The following DNAH7 variants were observed in gnomAD, a reference collection of about 807,000 sequenced individuals.
DNAH7 encodes the protein axonemal beta dynein heavy chain 7.
DNAH7 carries 397 observed loss-of-function variants against 444.6 expected under a neutral mutation model. That is an observed-to-expected ratio of 0.89 (90% CI 0.82 to 0.97). The LOEUF (loss-of-function observed/expected upper bound fraction) is 0.97. Ranked by LOEUF, DNAH7 falls within the 50% of genes least tolerant of loss-of-function variation. DNAH7 has a pLI of 0.00. For missense variants in DNAH7, 4,902 were observed against 4,800.8 expected (o/e 1.02, Z -0.62); for synonymous variants, 1,636 against 1,624.4 (o/e 1.01, Z -0.17).
rs146405893 is a variant in DNAH7 at position 196,016,981 on chromosome 2, C to A, written c.869+2189G>T. 7.2e-5 allele frequency among the ~76,000 whole-genome samples: 11 copies of A among 152,074 alleles called. No individual in the cohort carries two copies. The East Asian group carries it at 1.7e-3, about 24-fold the overall frequency. On this transcript the variant is annotated intron_variant, in intron 9 of 64. Transcript: ENST00000312428. ...TATTGAAATATATGTAGGATATGAG[C>A]GAGAGTGCTTTTTTATTATTTTATT...
At chr2:195,882,441 C>T (rs534722034) in intron 35 of DNAH7, among the ~76,000 whole-genome samples, 1 of 152,238 alleles carries the variant, frequency 6.6e-6, no homozygotes, top group Admixed American at 6.5e-5. Context: ...CTTATCATTG[C>T]AGGCAAAATT....
At chr2:195,922,943 C>G (rs1384344555) in intron 23 of DNAH7, among the ~76,000 whole-genome samples, 1 of 151,974 alleles carries the variant, frequency 6.6e-6, no homozygotes, top group East Asian at 1.9e-4. Flanking sequence ...CTCACTGCAA[C>G]CTCTGCCTCC....
chr2:195,976,739 G>A (rs967473068), intron 15 of DNAH7, among the ~76,000 whole-genome samples: 4 of 125,410 alleles, frequency 3.2e-5, no homozygotes, highest in Non-Finnish European at 5.1e-5. Flanking sequence ...GAGAGACAGA[G>A]AGGCAGACAG....
At chr2:195,746,067 G>A (rs1278635486) in intron 63 of DNAH7, among the ~76,000 whole-genome samples, 2 of 152,154 alleles carry the variant, frequency 1.3e-5, no homozygotes, top group Non-Finnish European at 2.9e-5. Context: ...ATTGGATAAA[G>A]AGTCAAGACC....
At chr2:195,951,511 C>T (rs978629039) in intron 19 of DNAH7, among the ~76,000 whole-genome samples, 5 of 152,060 alleles carry the variant, frequency 3.3e-5, no homozygotes, top group Non-Finnish European at 7.4e-5. Flanking sequence ...TTTTCTGTCT[C>T]GTTGATCTGT....
intron 31 of DNAH7, among the ~76,000 whole-genome samples, chr2:195,891,074 A>T (rs1035728617): frequency 7.2e-5 from 11 of 152,216 alleles, no homozygotes; most frequent in Non-Finnish European, 1.6e-4. Context: ...AGTGGGCAGC[A>T]GAATAAGCCA....
chr2:195,863,197 C>A (rs1700123197), intron 41 of DNAH7, among the ~76,000 whole-genome samples: 1 of 152,172 alleles, frequency 6.6e-6, no homozygotes, highest in South Asian at 2.1e-4. Context: ...AGACTTGCTA[C>A]AAAGCAAAAC....
At chr2:195,754,550 C>T (rs1196991664) in intron 62 of DNAH7, 36 bp from the exon 63 acceptor site, 1 of 1,574,866 alleles carries the variant, frequency 6.3e-7, no homozygotes, top group Non-Finnish European at 8.6e-7. Flanking sequence ...AACAGTAGCA[C>T]CTTTCAACCT....
chr2:195,833,714 A>G (rs1050137733), intron 48 of DNAH7, among the ~76,000 whole-genome samples: 5 of 152,136 alleles, frequency 3.3e-5, no homozygotes, highest in Admixed American at 3.3e-4. Context: ...GCAGATAATA[A>G]CCAGGCACAT....
chr2:195,828,401 A>G (rs1276096482), intron 48 of DNAH7, among the ~76,000 whole-genome samples: 2 of 151,812 alleles, frequency 1.3e-5, no homozygotes, highest in African/African-American at 4.8e-5. Context: ...TGGCTAACAC[A>G]GTGAAACCCT....
At chr2:195,881,209 A>G (rs889992232) in intron 36 of DNAH7, among the ~76,000 whole-genome samples, 13 of 152,204 alleles carry the variant, frequency 8.5e-5, no homozygotes, top group Non-Finnish European at 1.6e-4. Flanking sequence ...TGTAAGATGT[A>G]ATGTTAAAGT....
intron 48 of DNAH7, among the ~76,000 whole-genome samples, chr2:195,829,572 G>A (rs376496010): frequency 1.4e-4 from 22 of 151,952 alleles, no homozygotes; most frequent in African/African-American, 5.3e-4. Flanking sequence ...AGATTATAAC[G>A]TTTCAGTTTC....
intron 40 of DNAH7, among the ~76,000 whole-genome samples, chr2:195,869,659 G>T (rs1700561544): frequency 6.6e-6 from 1 of 152,092 alleles, no homozygotes; most frequent in African/African-American, 2.4e-5. Context: ...TCAATATCTG[G>T]GGGAAATATT....
At chr2:195,837,878 G>T (rs1053042185) in intron 47 of DNAH7, among the ~76,000 whole-genome samples, 7 of 152,176 alleles carry the variant, frequency 4.6e-5, no homozygotes, top group African/African-American at 1.7e-4. Context: ...CCCAGTGTTG[G>T]CATGAAATTG....
intron 40 of DNAH7, among the ~76,000 whole-genome samples, chr2:195,867,323 TAA>T (rs1700403472): frequency 6.6e-6 from 1 of 152,208 alleles, no homozygotes; most frequent in African/African-American, 2.4e-5. Context: ...AGTTGACACT[TAA>T]AACTTTCTAT....
At chr2:196,051,971 G>A (rs754012898) in intron 2 of DNAH7, among the ~76,000 whole-genome samples, 2 of 152,126 alleles carry the variant, frequency 1.3e-5, no homozygotes, top group Non-Finnish European at 2.9e-5. Context: ...TAGTCTGTAC[G>A]TAAGTCCTGG....
At chr2:195,821,540 T>C (rs1697471047) in intron 49 of DNAH7, among the ~76,000 whole-genome samples, 1 of 152,172 alleles carries the variant, frequency 6.6e-6, no homozygotes, top group Non-Finnish European at 1.5e-5. Flanking sequence ...AGTCGGTGGA[T>C]CCCTGTGCCA....
chr2:195,887,317 T>G (rs1173476919), intron 33 of DNAH7, among the ~76,000 whole-genome samples: 1 of 152,064 alleles, frequency 6.6e-6, no homozygotes, highest in East Asian at 1.9e-4. Context: ...TCAGTTCATA[T>G]ATGTTAACTG....
At chr2:196,013,001 A>G in intron 9 of DNAH7, 95 bp from the exon 10 acceptor site, 1 of 857,322 alleles carries the variant, frequency 1.2e-6, no homozygotes, top group Non-Finnish European at 1.6e-6. Flanking sequence ...TCATATTCCT[A>G]GGTTTAATCA....
Sources: allele counts gnomAD v4.1 joint callset (sites outside exome capture counted in the v4.1 genomes callset), GRCh38; gene constraint gnomAD v4.1.1; transcripts MANE v1.5; gene names NCBI Gene and HGNC (gene_info 2026-07-23, HGNC 2026-07-21).